The following AKAP6 variants were observed in gnomAD, a reference collection of about 807,000 sequenced individuals.
The protein encoded by AKAP6 is A-kinase anchor protein 6.
AKAP6 carries 58 observed loss-of-function variants against 188.5 expected under a neutral mutation model. The observed-to-expected ratio is 0.31, with a 90% CI of 0.25 to 0.38. AKAP6 has a LOEUF of 0.38. AKAP6 is among the 10% of genes least tolerant of loss of function. The pLI is 1.00. For synonymous variants in AKAP6, 989 were observed against 998.6 expected (o/e 0.99, Z 0.18); for missense variants, 2,710 against 2,740.0 (o/e 0.99, Z 0.24).
At chr14:32,693,738 C>T (rs544732516) in intron 8 of AKAP6, 1 of 152,224 alleles carries the variant, frequency 6.6e-6, no homozygotes, top group East Asian at 1.9e-4. Flanking sequence ...CTTCCTTTCC[C>T]CTTTGCTTTA....
At chr14:32,510,460 G>A (rs11628411) in intron 2 of AKAP6, among the ~76,000 whole-genome samples, 1,657 of 46,462 alleles carry the variant, frequency 0.036, 46 homozygotes, top group African/African-American at 0.083. Flanking sequence ...ACATATATAT[G>A]TGTATATATA....
rs1889529813 is a variant in AKAP6 at position 32,678,445 on chromosome 14, A to G, written c.2865A>G (p.Ser955=). 6.2e-7 allele frequency: 1 copy of G among 1,613,984 alleles called. No homozygotes were observed. Among genetic ancestry groups the G allele is most frequent in the Non-Finnish European group, 8.5e-7 (1 of 1,179,880 alleles). The part of the protein sequence containing the change: ...EEFADMSKVH[S]VGSNGLLDFD... ...TTGCTGATATGTCAAAAGTTCATTC[A>G]GTGGGAAGCAATGGGTAGGGAACTA... Residue 955 remains serine (S), a synonymous_variant, in exon 8 of 14, where the codon TCA becomes TCG. Transcript: ENST00000280979.
At position 32,510,380 on chromosome 14, in the gene AKAP6, G is replaced by GTATATATATGTGTA. The variant is rs1881122297; in HGVS notation, c.325-25165_325-25164insGTGTATATATATAT. On this transcript the variant is annotated intron_variant, in intron 2 of 13. Coordinates refer to ENST00000280979, the MANE Select transcript of AKAP6 (RefSeq NM_004274.5). ...CATATATATATGTGTATATATATGT[G>GTATATATATGTGTA]TATATATATATGTGTATATATATGT... 5.2e-5 allele frequency among the ~76,000 whole-genome samples: 5 copies of GTATATATATGTGTA among 95,396 alleles called. No homozygotes were observed. In the South Asian group the frequency reaches 8.1e-4, roughly 15 times the overall value. The allele number at this position is 95,396 out of a possible 152,430, so 62.6% of individuals were successfully genotyped here.
chr14:32,735,733 G>A lies in AKAP6; in HGVS notation c.3223G>A (p.Glu1075Lys). 1 of 1,613,582 alleles carries A rather than the reference G, an allele frequency of 6.2e-7. No homozygotes were observed. Among genetic ancestry groups the A allele is most frequent in the Non-Finnish European group, 8.5e-7 (1 of 1,179,784 alleles). ...GAGTCCACGTGACCTGCTCTCTCCT[G>A]AAAGTGGAAGCCTGGTAAGGCAGCT... ...GSSPRDLLSP[E>K]SGSLVRQLEV... Residue 1075 changes from glutamate to lysine, a missense_variant, in exon 11 of 14, where the codon GAA becomes AAA. By Grantham distance (56) the Glu-to-Lys change is moderately conservative. Transcript: ENST00000280979.
rs879427659 is a variant in AKAP6, at chr14:32,533,418, T to TCATCC, written c.325-2134_325-2133insTCCCA. On this transcript the variant is annotated intron_variant, in intron 2 of 13. Transcript: ENST00000280979. ...CCCCCATCATCCCTACTATAGTGTCTCAGGTGAGGACTGGGAGAATGAGCA... is the reference window on the plus strand; with the variant it reads ...CCCCCATCATCCCTACTATAGTGTCTCATCCCAGGTGAGGACTGGGAGAATGAGCA... 1.4e-3 allele frequency among the ~76,000 whole-genome samples: 209 copies of TCATCC among 152,222 alleles called. 2 individuals carry two copies. The highest frequency in any genetic ancestry group is 0.012 in the Admixed American group (181 of 15,292).
intron 12 of AKAP6, among the ~76,000 whole-genome samples, chr14:32,783,501 A>G (rs1272193051): frequency 2.6e-5 from 4 of 152,142 alleles, no homozygotes; most frequent in African/African-American, 9.6e-5. Flanking sequence ...GCTGTTTAAA[A>G]AAAACACATA....
chr14:32,555,042 G>A (rs1489713861), intron 4 of AKAP6, among the ~76,000 whole-genome samples: 2 of 152,228 alleles, frequency 1.3e-5, no homozygotes, highest in Non-Finnish European at 2.9e-5. Context: ...TGACTTAGCT[G>A]TTGTATTTTG....
At chr14:32,756,984 G>T (rs1668260224) in intron 11 of AKAP6, among the ~76,000 whole-genome samples, 1 of 152,126 alleles carries the variant, frequency 6.6e-6, no homozygotes, top group Admixed American at 6.5e-5. Flanking sequence ...GTCTGGGGCT[G>T]CAAAGGCCAG....
At chr14:32,648,435 C>T (rs1888072037) in intron 7 of AKAP6, among the ~76,000 whole-genome samples, 1 of 152,064 alleles carries the variant, frequency 6.6e-6, no homozygotes, top group African/African-American at 2.4e-5. Context: ...GGGTATTCCT[C>T]TTGGTAAGCA....
chr14:32,433,502 C>A lies in AKAP6; in HGVS notation c.9C>A (p.Thr3=). 1 of 1,613,752 alleles carries A rather than the reference C, an allele frequency of 6.2e-7. No individual in the cohort carries two copies. ...GAGGTTTAGACTTCTCCATGTTAAC[C>A]ATGAGCGTGACACTTTCCCCCCTGA... ML[T]MSVTLSPLRS... Residue 3 remains threonine, a synonymous_variant, in exon 2 of 14, where the codon ACC becomes ACA. Coordinates refer to ENST00000280979, the MANE Select transcript of AKAP6 (RefSeq NM_004274.5).
At chr14:32,520,600 A>G (rs1389395081) in intron 2 of AKAP6, among the ~76,000 whole-genome samples, 1 of 152,230 alleles carries the variant, frequency 6.6e-6, no homozygotes, top group Admixed American at 6.5e-5. Context: ...AATCTAGAAG[A>G]AATGGATAAA....
At chr14:32,696,505 G>GA in intron 9 of AKAP6, among the ~76,000 whole-genome samples, 1 of 152,222 alleles carries the variant, frequency 6.6e-6, no homozygotes, top group Admixed American at 6.5e-5. Flanking sequence ...TCTTCCCAGG[G>GA]AAAAAAGAAA....
chr14:32,494,485 G>T (rs1314597330), intron 2 of AKAP6: 2 of 152,072 alleles, frequency 1.3e-5, no homozygotes, highest in African/African-American at 4.8e-5. Flanking sequence ...ATTAGAGGTA[G>T]CATGCTTTAG....
Position 32,535,536 on chromosome 14 carries a change from T to A in AKAP6, c.325-18T>A. 2 of 1,606,598 alleles carry A rather than the reference T, an allele frequency of 1.2e-6. No individual in the cohort carries two copies. The highest frequency in any genetic ancestry group is 1.7e-6 in the Non-Finnish European group (2 of 1,174,676). On this transcript the variant is annotated intron_variant, in intron 2 of 13. Transcript: ENST00000280979. ...AAGGCAAAGTAGTCCTCACATATGT[T>A]GCTTTTCTTTACTGCAGGACATTTG...
intron 2 of AKAP6, among the ~76,000 whole-genome samples, chr14:32,468,197 C>A (rs922094395): frequency 6.6e-6 from 1 of 152,128 alleles, no homozygotes; most frequent in African/African-American, 2.4e-5. Context: ...AAGAGAAACA[C>A]TGGCACCTTG....
chr14:32,339,484 A>AC (rs1886826007), intron 1 of AKAP6, among the ~76,000 whole-genome samples: 5 of 152,166 alleles, frequency 3.3e-5, no homozygotes, highest in Non-Finnish European at 7.4e-5. Context: ...AAGGGTTTCT[A>AC]TGAGGAAGCT....
intron 12 of AKAP6, among the ~76,000 whole-genome samples, chr14:32,805,816 A>G (rs1172199961): frequency 6.6e-6 from 1 of 152,212 alleles, no homozygotes; most frequent in Non-Finnish European, 1.5e-5. Context: ...TTTGCAGAAT[A>G]TCAAACAAAA....
intron 7 of AKAP6, among the ~76,000 whole-genome samples, chr14:32,675,099 G>A (rs8004468): frequency 0.27 from 40,715 of 151,930 alleles, 7,248 homozygotes; most frequent in East Asian, 0.58. Flanking sequence ...TTGTATTTCA[G>A]TACTAATATT....
chr14:32,738,047 A>T, intron 11 of AKAP6, among the ~76,000 whole-genome samples: 1 of 152,154 alleles, frequency 6.6e-6, no homozygotes, highest in East Asian at 1.9e-4. Flanking sequence ...GAGGGAAGAA[A>T]CATGAAGGTG....
Sources: allele counts gnomAD v4.1 joint callset (sites outside exome capture counted in the v4.1 genomes callset), GRCh38; gene constraint gnomAD v4.1.1; transcripts MANE v1.5; gene names NCBI Gene and HGNC (gene_info 2026-07-23, HGNC 2026-07-21).